Variants in GRXCR1 observed in about 807,000 individuals in gnomAD.
The protein encoded by GRXCR1 is glutaredoxin and cysteine rich domain containing 1.
In GRXCR1, 27 loss-of-function variants were observed where a neutral mutation model predicts 27.3. The ratio of observed to expected loss-of-function variants is 0.99; its 90% CI spans 0.73 to 1.37. The LOEUF (loss-of-function observed/expected upper bound fraction) is 1.37. Among genes scored for constraint, GRXCR1 ranks in the 40% most tolerant of loss-of-function variants. The probability of loss-of-function intolerance (pLI) is 0.00; values close to 1 mark genes in which losing one functional copy is unlikely to be tolerated. For synonymous variants in GRXCR1, 122 were observed against 131.1 expected (o/e 0.93, Z 0.47); for missense variants, 379 against 354.4 (o/e 1.07, Z -0.56).
intron 2 of GRXCR1, among the ~76,000 whole-genome samples, chr4:43,011,650 C>T (rs974544011): frequency 6.6e-6 from 1 of 152,092 alleles, no homozygotes; most frequent in Non-Finnish European, 1.5e-5. Flanking sequence ...CTGTTTTCTG[C>T]TAGGATCCTA....
At position 42,977,426 on chromosome 4, in the gene GRXCR1, T is replaced by A. The variant is rs180844269; in HGVS notation, c.627+14292T>A. Among the ~76,000 whole-genome samples the A allele has an allele frequency of 1.9e-3, 284 of 152,130 alleles. 2 individuals are homozygous for A. Among genetic ancestry groups the A allele is most frequent in the Non-Finnish European group, 2.9e-3 (198 of 67,924 alleles). On this transcript the variant is annotated intron_variant, in intron 2 of 3. Transcript: ENST00000399770. ...ACCATAATGGCTATGTTAATTTACA[T>A]TTCCACCAATAATGTGCAAGTGTTC...
In GRXCR1 at chr4:43,026,807, G is replaced by A. The variant is rs554435558; in HGVS notation, c.694-3554G>A. ...ACGGTGGTGTCTATCACATCAGGTTGGTGTGAGAAGGGGGCAAAGACTCCT... is the reference window on the plus strand; with the variant it reads ...ACGGTGGTGTCTATCACATCAGGTTAGTGTGAGAAGGGGGCAAAGACTCCT... On this transcript the variant is annotated intron_variant, in intron 3 of 3. Coordinates refer to ENST00000399770, the MANE Select transcript of GRXCR1 (RefSeq NM_001080476.3). Among the ~76,000 whole-genome samples the A allele has an allele frequency of 9.9e-5, 15 of 152,238 alleles. No individual in the cohort carries two copies. In the East Asian group the frequency reaches 2.7e-3, roughly 27 times the overall value.
chr4:43,023,632 G>A (rs934091854), intron 3 of GRXCR1, among the ~76,000 whole-genome samples: 1 of 152,100 alleles, frequency 6.6e-6, no homozygotes, highest in Non-Finnish European at 1.5e-5. Flanking sequence ...CAGTTTGCAG[G>A]TAATCTTCCC....
At chr4:42,917,252 G>T (rs1746905984) in intron 1 of GRXCR1, among the ~76,000 whole-genome samples, 1 of 152,120 alleles carries the variant, frequency 6.6e-6, no homozygotes, top group Non-Finnish European at 1.5e-5. Context: ...GCTGAAAGTA[G>T]AAATATATGG....
At chr4:42,929,739 C>G (rs1225670615) in intron 1 of GRXCR1, among the ~76,000 whole-genome samples, 1 of 151,804 alleles carries the variant, frequency 6.6e-6, no homozygotes, top group Non-Finnish European at 1.5e-5. Context: ...CAAGCTGCCC[C>G]CATCCAATGA....
At chr4:43,024,330 G>A (rs1001174190) in intron 3 of GRXCR1, among the ~76,000 whole-genome samples, 2 of 151,734 alleles carry the variant, frequency 1.3e-5, no homozygotes, top group South Asian at 4.2e-4. Flanking sequence ...GTCAAAAATG[G>A]CACAGACTGT....
intron 1 of GRXCR1, among the ~76,000 whole-genome samples, chr4:42,960,123 A>C (rs1748098518): frequency 6.6e-6 from 1 of 151,994 alleles, no homozygotes; most frequent in Non-Finnish European, 1.5e-5. Context: ...TAAGATTCAG[A>C]GAGAATCTTA....
At chr4:42,939,517 A>C (rs748399163) in intron 1 of GRXCR1, among the ~76,000 whole-genome samples, 6 of 151,994 alleles carry the variant, frequency 3.9e-5, no homozygotes, top group Non-Finnish European at 7.4e-5. Flanking sequence ...TGATTGCTTT[A>C]GCTAGGACTC....
intron 1 of GRXCR1, among the ~76,000 whole-genome samples, chr4:42,957,810 A>T (rs1748041806): frequency 6.6e-6 from 1 of 151,788 alleles, no homozygotes; most frequent in Non-Finnish European, 1.5e-5. Context: ...GGTTAAATTT[A>T]TCTGATAGAA....
chr4:42,947,508 C>T lies in GRXCR1; in HGVS notation c.385-15384C>T, dbSNP rs541292377. Among the ~76,000 whole-genome samples, 7 of 152,238 alleles carry T rather than the reference C, an allele frequency of 4.6e-5. No individual in the cohort carries two copies. The South Asian group carries it at 1.2e-3, about 27-fold the overall frequency. On this transcript the variant is annotated intron_variant, in intron 1 of 3. Transcript: ENST00000399770. ...GACATAATGCTTGGAATATAGACTT[C>T]ATTCAATGATTGCTTTTTCCAATAT...
chr4:42,972,395 G>T (rs1032949917), intron 2 of GRXCR1, among the ~76,000 whole-genome samples: 2 of 152,114 alleles, frequency 1.3e-5, no homozygotes, highest in Non-Finnish European at 2.9e-5. Flanking sequence ...TTCAAGCTTT[G>T]TTGTTTAAAG....
intron 2 of GRXCR1, among the ~76,000 whole-genome samples, chr4:42,990,049 A>C (rs1337942436): frequency 2.0e-5 from 3 of 151,792 alleles, no homozygotes; most frequent in Non-Finnish European, 4.4e-5. Context: ...TAGCAGTTCT[A>C]AGATTTTTCT....
intron 3 of GRXCR1, among the ~76,000 whole-genome samples, chr4:43,029,349 C>A (rs1713351318): frequency 6.6e-6 from 1 of 151,960 alleles, no homozygotes; most frequent in Non-Finnish European, 1.5e-5. Flanking sequence ...TGTGTGTATC[C>A]ACATTTCCTG....
At chr4:42,953,535 G>T (rs1298882048) in intron 1 of GRXCR1, among the ~76,000 whole-genome samples, 1 of 152,168 alleles carries the variant, frequency 6.6e-6, no homozygotes, top group African/African-American at 2.4e-5. Context: ...CAGGCTTCTA[G>T]TTCCCCAGCT....
intron 2 of GRXCR1, among the ~76,000 whole-genome samples, chr4:42,971,734 T>C (rs1748392731): frequency 6.6e-6 from 1 of 151,976 alleles, no homozygotes; most frequent in Non-Finnish European, 1.5e-5. Flanking sequence ...ACAAATATGG[T>C]TGGACACAGG....
intron 1 of GRXCR1, among the ~76,000 whole-genome samples, chr4:42,941,642 A>C (rs1468916160): frequency 6.6e-6 from 1 of 152,032 alleles, no homozygotes; most frequent in Non-Finnish European, 1.5e-5. Context: ...CAGAGTTGTG[A>C]CCAAACTAGA....
Position 42,892,989 on chromosome 4 carries a change from G to C in GRXCR1, c.-278G>C, listed in dbSNP as rs992454442. Among the ~76,000 whole-genome samples the C allele has an allele frequency of 2.0e-5, 3 of 152,050 alleles. No individual in the cohort carries two copies. Among genetic ancestry groups the C allele is most frequent in the Non-Finnish European group, 4.4e-5 (3 of 68,000 alleles). On this transcript the variant is annotated 5_prime_UTR_variant, in exon 1 of 4. Coordinates refer to ENST00000399770, the MANE Select transcript of GRXCR1 (RefSeq NM_001080476.3). ...CGCTGCATGCCACTTTCTTGCACTTGTCCTGTTAAAGAGTCCACCATGGCT... is the reference window on the plus strand; with the variant it reads ...CGCTGCATGCCACTTTCTTGCACTTCTCCTGTTAAAGAGTCCACCATGGCT...
At chr4:43,014,345 A>T (rs929979605) in intron 2 of GRXCR1, among the ~76,000 whole-genome samples, 2 of 152,126 alleles carry the variant, frequency 1.3e-5, no homozygotes, top group African/African-American at 4.8e-5. Context: ...CCCATCTCCA[A>T]GCAGAGTTGA....
intron 2 of GRXCR1, among the ~76,000 whole-genome samples, chr4:43,005,926 G>A (rs1471021381): frequency 3.9e-5 from 6 of 152,160 alleles, no homozygotes; most frequent in Admixed American, 1.3e-4. Flanking sequence ...TGGATATTGC[G>A]GGAAGTCAGG....
Sources: allele counts gnomAD v4.1 joint callset (sites outside exome capture counted in the v4.1 genomes callset), GRCh38; gene constraint gnomAD v4.1.1; transcripts MANE v1.5; gene names NCBI Gene and HGNC (gene_info 2026-07-23, HGNC 2026-07-21).